LRP1B: variants seen among roughly 807,000 people sequenced by gnomAD.
LRP1B encodes low-density lipoprotein receptor-related protein 1B.
Under a neutral mutation model 556.6 loss-of-function variants are expected in LRP1B, and 217 were observed. The ratio of observed to expected loss-of-function variants is 0.39; its 90% CI spans 0.35 to 0.44. The LOEUF (loss-of-function observed/expected upper bound fraction) is 0.44. Among genes scored for constraint, LRP1B ranks in the 20% least tolerant of loss-of-function variants. The pLI is 1.00. For synonymous variants in LRP1B, 2,047 were observed against 1,865.8 expected (o/e 1.10, Z -2.50); for missense variants, 5,053 against 5,620.8 (o/e 0.90, Z 3.23).
At chr2:140,577,900 G>A (rs934797494) in intron 43 of LRP1B, among the ~76,000 whole-genome samples, 5 of 152,058 alleles carry the variant, frequency 3.3e-5, no homozygotes, top group African/African-American at 1.2e-4. Context: ...TAATGGAAAA[G>A]CAATTCTGAT....
intron 24 of LRP1B, 76 bp from the exon 25 acceptor site, chr2:140,884,097 T>C (rs1165636970): frequency 7.8e-7 from 1 of 1,276,540 alleles, no homozygotes; most frequent in South Asian, 1.3e-5. Context: ...CCTTTGTGCC[T>C]GTGATCAGCA....
At chr2:140,323,805 T>C (rs1680299382) in intron 81 of LRP1B, 88 bp downstream of exon 81, 3 of 649,882 alleles carry the variant, frequency 4.6e-6, no homozygotes, top group South Asian at 7.1e-5. Flanking sequence ...GACATTTACA[T>C]AGTTAAGATA....
intron 2 of LRP1B, among the ~76,000 whole-genome samples, chr2:141,757,525 T>C (rs1417768343): frequency 1.3e-5 from 2 of 152,148 alleles, no homozygotes; most frequent in African/African-American, 4.8e-5. Context: ...CATAAGCTTT[T>C]GTGCATTTAT....
intron 2 of LRP1B, among the ~76,000 whole-genome samples, chr2:141,697,546 G>A (rs1691773408): frequency 6.6e-6 from 1 of 151,984 alleles, no homozygotes; most frequent in African/African-American, 2.4e-5. Flanking sequence ...AATATAGATA[G>A]TTAAATGTAA....
chr2:140,610,660 A>C (rs1683038441), intron 41 of LRP1B, among the ~76,000 whole-genome samples: 1 of 152,168 alleles, frequency 6.6e-6, no homozygotes, highest in Non-Finnish European at 1.5e-5. Context: ...ATCTTGGCTC[A>C]CTGCAAGCTC....
chr2:140,811,419 C>T (rs1260427547), intron 32 of LRP1B, among the ~76,000 whole-genome samples: 1 of 152,180 alleles, frequency 6.6e-6, no homozygotes, highest in Non-Finnish European at 1.5e-5. Flanking sequence ...AATAAACCTT[C>T]ATAAAGCCTT....
At chr2:141,975,149 T>C (rs1701850295) in intron 1 of LRP1B, among the ~76,000 whole-genome samples, 1 of 152,034 alleles carries the variant, frequency 6.6e-6, no homozygotes, top group Non-Finnish European at 1.5e-5. Flanking sequence ...TATTTTACCC[T>C]ACTGCTTGAA....
chr2:140,889,660 G>A (rs1221144940), intron 23 of LRP1B, among the ~76,000 whole-genome samples: 1 of 152,102 alleles, frequency 6.6e-6, no homozygotes, highest in Non-Finnish European at 1.5e-5. Flanking sequence ...GGTGGGTGAT[G>A]TTGTTACCCC....
At chr2:141,904,431 T>C (rs1699701266) in intron 1 of LRP1B, among the ~76,000 whole-genome samples, 1 of 151,826 alleles carries the variant, frequency 6.6e-6, no homozygotes, top group African/African-American at 2.4e-5. Context: ...TGGTGTGTGG[T>C]TGTCCCATTT....
At chr2:142,035,302 T>C (rs1420222828) in intron 1 of LRP1B, among the ~76,000 whole-genome samples, 1 of 151,680 alleles carries the variant, frequency 6.6e-6, no homozygotes, top group Non-Finnish European at 1.5e-5. Flanking sequence ...ACTATGGCGA[T>C]ACTCCAGCTA....
chr2:141,301,231 G>T (rs1259287498), intron 3 of LRP1B, among the ~76,000 whole-genome samples: 1 of 152,098 alleles, frequency 6.6e-6, no homozygotes, highest in East Asian at 1.9e-4. Context: ...TACTCCATGT[G>T]TGTGAGAGAT....
intron 3 of LRP1B, among the ~76,000 whole-genome samples, chr2:141,291,893 T>TAAAAAAA (rs1685980901): frequency 2.4e-5 from 3 of 126,098 alleles, no homozygotes; most frequent in Non-Finnish European, 5.3e-5. Flanking sequence ...AAAAAAAACT[T>TAAAAAAA]GTTTGGGGTT....
chr2:141,908,250 A>G (rs780606480), intron 1 of LRP1B, among the ~76,000 whole-genome samples: 1 of 152,036 alleles, frequency 6.6e-6, no homozygotes, highest in Non-Finnish European at 1.5e-5. Context: ...CGTGTTCTTA[A>G]ATGCCTGTTC....
chr2:140,428,635 G>T (rs1218004516), intron 66 of LRP1B, among the ~76,000 whole-genome samples: 1 of 152,108 alleles, frequency 6.6e-6, no homozygotes, highest in Non-Finnish European at 1.5e-5. Context: ...CGTCTCTGAA[G>T]CCCCCTAGAC....
At position 140,351,040 on chromosome 2, in the gene LRP1B, TG is replaced by T; in HGVS notation, c.11651-3del. On this transcript the variant is annotated splice_polypyrimidine_tract_variant and splice_region_variant and intron_variant, in intron 76 of 90. Coordinates refer to ENST00000389484, the MANE Select transcript of LRP1B (RefSeq NM_018557.3). ...TGTAGAGAACTTGATCTTCAGAGCC[TG>T]GAGATTATTATAATAAAATACAAAA... The T allele has an allele frequency of 6.5e-7, 1 of 1,543,884 alleles. No individual in the cohort carries two copies. The highest frequency in any genetic ancestry group is 8.8e-7 in the Non-Finnish European group (1 of 1,137,182).
At chr2:140,377,328 G>A (rs564861432) in intron 68 of LRP1B, among the ~76,000 whole-genome samples, 5 of 152,206 alleles carry the variant, frequency 3.3e-5, no homozygotes, top group Admixed American at 2.6e-4. Flanking sequence ...ACCCGCCTCG[G>A]CCTCCCAAAG....
At chr2:141,350,301 G>C (rs1252918721) in intron 3 of LRP1B, among the ~76,000 whole-genome samples, 1 of 151,938 alleles carries the variant, frequency 6.6e-6, no homozygotes, top group African/African-American at 2.4e-5. Flanking sequence ...CAAAGGCCAG[G>C]GTTACCAAAA....
At chr2:141,027,807 T>A (rs1347672738) in intron 11 of LRP1B, among the ~76,000 whole-genome samples, 2 of 152,096 alleles carry the variant, frequency 1.3e-5, no homozygotes, top group Non-Finnish European at 2.9e-5. Context: ...TAAATGAAGT[T>A]AGTGCCCTTA....
chr2:141,706,144 G>C (rs1339884314), intron 2 of LRP1B, among the ~76,000 whole-genome samples: 1 of 151,922 alleles, frequency 6.6e-6, no homozygotes, highest in East Asian at 1.9e-4. Context: ...ATGCTATCAT[G>C]CTTCCCTCCA....
Sources: allele counts gnomAD v4.1 joint callset (sites outside exome capture counted in the v4.1 genomes callset), GRCh38; gene constraint gnomAD v4.1.1; transcripts MANE v1.5; gene names NCBI Gene and HGNC (gene_info 2026-07-23, HGNC 2026-07-21).